ARL9: variants seen among roughly 807,000 people sequenced by gnomAD.
The protein encoded by ARL9 is ARF like GTPase 9, also known as ADP-ribosylation factor-like protein 9.
A neutral mutation model predicts 27.0 loss-of-function variants in ARL9; 14 were observed. That is an observed-to-expected ratio of 0.52 (90% CI 0.34 to 0.81). The LOEUF is 0.81. Ranked by LOEUF, ARL9 falls within the 30% of genes least tolerant of loss-of-function variation. The pLI, the probability that ARL9 is intolerant of heterozygous loss-of-function variation, is 0.01. For synonymous variants in ARL9, 106 were observed against 108.7 expected (o/e 0.98, Z 0.15); for missense variants, 294 against 290.0 (o/e 1.01, Z -0.10).
intron 2 of ARL9, 102 bp downstream of exon 2, chr4:56,511,449 A>C: frequency 2.4e-6 from 3 of 1,260,662 alleles, no homozygotes; most frequent in Non-Finnish European, 3.3e-6. Flanking sequence ...CTAACACTGA[A>C]TCAAATTTTC....
intron 3 of ARL9, among the ~76,000 whole-genome samples, chr4:56,522,586 A>G (rs1442792199): frequency 6.6e-6 from 1 of 152,242 alleles, no homozygotes; most frequent in Middle Eastern, 3.2e-3. Flanking sequence ...TTTACAAAGG[A>G]CTGGAAAACT....
In ARL9 at chr4:56,506,238, G is replaced by C. The variant is rs1237583188; in HGVS notation, c.279+97G>C. 3.4e-6 allele frequency: 4 copies of C among 1,169,612 alleles called. No homozygotes were observed. In the African/African-American group the frequency reaches 6.3e-5, roughly 19 times the overall value. 72.5% of individuals were successfully genotyped at this position (1,169,612 alleles called of 1,614,324 possible). A position where few individuals can be genotyped will look rare whatever the true frequency, so the allele number is the denominator to read the frequency against. On this transcript the variant is annotated intron_variant, in intron 1 of 3. Coordinates refer to ENST00000640821, the MANE Select transcript of ARL9 (RefSeq NM_001363794.2). ...TGTTACGTCGGAGGCCCCCGACCGC[G>C]TGGGAGCGAATGGATCTCAACTGAG...
At chr4:56,508,561 T>C (rs560850936) in intron 1 of ARL9, among the ~76,000 whole-genome samples, 1 of 152,138 alleles carries the variant, frequency 6.6e-6, no homozygotes, top group African/African-American at 2.4e-5. Flanking sequence ...TAATTTTGTA[T>C]TTTTACTAGA....
At chr4:56,520,437 C>T (rs998009910) in intron 3 of ARL9, among the ~76,000 whole-genome samples, 1 of 152,048 alleles carries the variant, frequency 6.6e-6, no homozygotes, top group Non-Finnish European at 1.5e-5. Flanking sequence ...TCCATTTATA[C>T]GAGGTACCTA....
intron 3 of ARL9, among the ~76,000 whole-genome samples, chr4:56,521,223 A>C (rs951710384): frequency 1.3e-5 from 2 of 152,016 alleles, no homozygotes; most frequent in Admixed American, 6.6e-5. Context: ...AAAACAAAAA[A>C]AAAAAAAAAA....
chr4:56,506,533 C>T (rs937520855), intron 1 of ARL9: 1 of 657,854 alleles, frequency 1.5e-6, no homozygotes, highest in African/African-American at 3.1e-5. Context: ...ACACGCAGGC[C>T]CTCTTTGCAT....
At chr4:56,510,512 CCAAA>C (rs934486266) in intron 1 of ARL9, among the ~76,000 whole-genome samples, 91 of 152,160 alleles carry the variant, frequency 6.0e-4, no homozygotes, top group African/African-American at 2.1e-3. Flanking sequence ...TCCCAAGACC[CCAAA>C]CAAAATGAAT....
In ARL9 at chr4:56,523,975, C is replaced by A; in HGVS notation, c.*99C>A. 8.1e-7 allele frequency: 1 copy of A among 1,230,876 alleles called. No individual in the cohort carries two copies. The highest frequency in any genetic ancestry group is 1.1e-6 in the Non-Finnish European group (1 of 906,082). 76.2% of individuals were successfully genotyped at this position (1,230,876 alleles called of 1,614,324 possible). Reference sequence around the variant, plus strand: ...TTTCCACCTCAAATAAAAATTAAGCCATTTCCTATTTTCTCAGTGCATGGG... The same window carrying A: ...TTTCCACCTCAAATAAAAATTAAGCAATTTCCTATTTTCTCAGTGCATGGG... On this transcript the variant is annotated 3_prime_UTR_variant, in exon 4 of 4. Coordinates refer to ENST00000640821, the MANE Select transcript of ARL9 (RefSeq NM_001363794.2).
chr4:56,506,727 C>T, intron 1 of ARL9: 1 of 974,640 alleles, frequency 1.0e-6, no homozygotes, highest in Non-Finnish European at 1.2e-6. Flanking sequence ...AGTTCCTGAG[C>T]TGGCTCCTTG....
In ARL9 at chr4:56,505,824, G is replaced by A; in HGVS notation, c.-39G>A. 9 of 1,287,240 alleles carry A rather than the reference G, an allele frequency of 7.0e-6. No individual in the cohort carries two copies. The highest frequency in any genetic ancestry group is 6.1e-5 in the East Asian group (2 of 32,768). 79.7% of individuals were successfully genotyped at this position (1,287,240 alleles called of 1,614,324 possible). On this transcript the variant is annotated 5_prime_UTR_variant, in exon 1 of 4. Transcript: ENST00000640821. ...GGCCCAGAGCCACCGCTCAGCACGC[G>A]GGCACGCGGCGGGAGGGAAGGAAAC...
intron 2 of ARL9, among the ~76,000 whole-genome samples, chr4:56,514,442 G>A (rs907231171): frequency 6.6e-6 from 1 of 152,032 alleles, no homozygotes; most frequent in Non-Finnish European, 1.5e-5. Flanking sequence ...ACAAATTTCT[G>A]GTGAAATTCA....
intron 2 of ARL9, among the ~76,000 whole-genome samples, chr4:56,516,980 TACTG>T (rs1275071506): frequency 6.6e-6 from 1 of 152,222 alleles, no homozygotes; most frequent in Non-Finnish European, 1.5e-5. Flanking sequence ...AGAGGAAACT[TACTG>T]GCTATTAGCT....
chr4:56,519,111 T>C (rs1721846832), intron 3 of ARL9, among the ~76,000 whole-genome samples: 2 of 152,210 alleles, frequency 1.3e-5, no homozygotes. Context: ...TACATATTGT[T>C]AAATTTGATT....
At chr4:56,506,787 TGTG>T (rs1318789800) in intron 1 of ARL9, 10 of 98,138 alleles carry the variant, frequency 1.0e-4, no homozygotes, top group East Asian at 2.7e-4. Context: ...TTAACACAGT[TGTG>T]TGTGTGTGTG....
chr4:56,516,600 AAAG>A (rs1721773408), intron 2 of ARL9, among the ~76,000 whole-genome samples: 1 of 149,660 alleles, frequency 6.7e-6, no homozygotes, highest in African/African-American at 2.5e-5. Flanking sequence ...AAAAAAAAAA[AAAG>A]AAAAAGAAAA....
chr4:56,514,768 T>C (rs913764341), intron 2 of ARL9, among the ~76,000 whole-genome samples: 2 of 152,042 alleles, frequency 1.3e-5, no homozygotes, highest in African/African-American at 4.8e-5. Context: ...TTTCAGAGAA[T>C]AGGGGAAAAA....
intron 2 of ARL9, among the ~76,000 whole-genome samples, 169 bp from the exon 3 acceptor site, chr4:56,518,509 G>C (rs879453337): frequency 6.6e-6 from 1 of 152,122 alleles, no homozygotes; most frequent in African/African-American, 2.4e-5. Flanking sequence ...CCAGTTTACC[G>C]CTAACATGCC....
At position 56,519,754 on chromosome 4, in the gene ARL9, T is replaced by G. The variant is rs145062674; in HGVS notation, c.618+901T>G. ...ATATTGTTTTGTTTTGTATGTTTTA[T>G]GTTTTTTATGATATGTTCATAGCAG... On this transcript the variant is annotated intron_variant, in intron 3 of 3. Transcript: ENST00000640821. Among the ~76,000 whole-genome samples, 1,410 of 152,330 alleles carry G rather than the reference T, an allele frequency of 9.3e-3. 10 individuals are homozygous for G. The highest frequency in any genetic ancestry group is 0.014 in the Admixed American group (220 of 15,302).
In ARL9 at chr4:56,506,148, G is replaced by A; in HGVS notation, c.279+7G>A. On this transcript the variant is annotated splice_region_variant and intron_variant, in intron 1 of 3. Transcript: ENST00000640821. ...GACCCCGCTCGAGCCGCTGGTAAGA[G>A]ACCCAGTGCCCAGGACCCCTTGCCC... The A allele has an allele frequency of 8.1e-7, 1 of 1,233,596 alleles. No individual in the cohort carries two copies. Among genetic ancestry groups the A allele is most frequent in the Non-Finnish European group, 1.0e-6 (1 of 989,114 alleles). The allele number at this position is 1,233,596 out of a possible 1,614,324, so 76.4% of individuals were successfully genotyped here.
Sources: allele counts gnomAD v4.1 joint callset (sites outside exome capture counted in the v4.1 genomes callset), GRCh38; gene constraint gnomAD v4.1.1; transcripts MANE v1.5; gene names NCBI Gene and HGNC (gene_info 2026-07-23, HGNC 2026-07-21).